The following CA10 variants were observed in gnomAD, a reference collection of about 807,000 sequenced individuals.
The protein encoded by CA10 is carbonic anhydrase-related protein 10.
In CA10, 14 loss-of-function variants were observed where a neutral mutation model predicts 44.2. The observed-to-expected ratio is 0.32, with a 90% CI of 0.21 to 0.50. The LOEUF (loss-of-function observed/expected upper bound fraction) is 0.50. CA10 is among the 20% of genes least tolerant of loss of function. CA10 has a pLI of 0.99. For missense variants in CA10, 350 were observed against 409.7 expected (o/e 0.85, Z 1.26); for synonymous variants, 159 against 141.6 (o/e 1.12, Z -0.87).
At position 51,654,905 on chromosome 17, in the gene CA10, G is replaced by GCC. The variant is rs5820870; in HGVS notation, c.466-1171_466-1170dup. Among the ~76,000 whole-genome samples, 895 of 151,320 alleles carry GCC rather than the reference G, an allele frequency of 5.9e-3. 9 individuals are homozygous for GCC. The highest frequency in any genetic ancestry group is 0.02 in the African/African-American group (834 of 41,142). On this transcript the variant is annotated intron_variant, in intron 4 of 8. Transcript: ENST00000451037. ...AAAATATAGAAGTAAAAAACGTGAT[G>GCC]CCCCCCCCACCACCTCTTTCTAATT... is the stretch of plus-strand genomic sequence containing the variant.
At chr17:51,889,660 A>C (rs1441985044) in intron 3 of CA10, among the ~76,000 whole-genome samples, 2 of 152,224 alleles carry the variant, frequency 1.3e-5, no homozygotes, top group African/African-American at 4.8e-5. Context: ...TTTGGAGACT[A>C]GCTGCTAGGC....
intron 3 of CA10, among the ~76,000 whole-genome samples, chr17:51,881,709 G>C (rs1163487432): frequency 6.6e-6 from 1 of 152,190 alleles, no homozygotes; most frequent in Non-Finnish European, 1.5e-5. Context: ...AGTCAATAAT[G>C]AGAGGGCATT....
At chr17:51,811,190 GAAAA>G (rs35275627) in intron 3 of CA10, among the ~76,000 whole-genome samples, 2 of 125,216 alleles carry the variant, frequency 1.6e-5, no homozygotes, top group Admixed American at 8.0e-5. Flanking sequence ...ACTCCATCTC[GAAAA>G]AAAAAAAAAA....
rs920394908 is a variant in CA10, at chr17:52,157,913, G to C, written c.-127C>G. 11 of 772,448 alleles carry C rather than the reference G, an allele frequency of 1.4e-5. No individual in the cohort carries two copies. In the Admixed American group the frequency reaches 1.5e-4, roughly 10 times the overall value. The allele number at this position is 772,448 out of a possible 1,614,324, so 47.8% of individuals were successfully genotyped here. ...CGAGTGCACACTCGCACTCCCACCC[G>C]ACAGCCGGCCAGGGACAGTCACCCC... On this transcript the variant is annotated 5_prime_UTR_variant, in exon 1 of 9. Coordinates refer to ENST00000451037, the MANE Select transcript of CA10 (RefSeq NM_020178.5).
chr17:51,747,595 T>C (rs1216503026), intron 4 of CA10, 38 bp downstream of exon 4: 9 of 1,527,602 alleles, frequency 5.9e-6, no homozygotes, highest in South Asian at 1.3e-5. Context: ...ATCTTATAAG[T>C]TGACATTTAA....
intron 1 of CA10, among the ~76,000 whole-genome samples, chr17:52,142,494 A>G (rs1358743865): frequency 6.6e-6 from 1 of 152,204 alleles, no homozygotes; most frequent in African/African-American, 2.4e-5. Flanking sequence ...CTTATAAAAA[A>G]TCACTGATGG....
intron 4 of CA10, among the ~76,000 whole-genome samples, chr17:51,688,774 A>T (rs1915091157): frequency 6.6e-6 from 1 of 152,140 alleles, no homozygotes; most frequent in Non-Finnish European, 1.5e-5. Flanking sequence ...AGAAGAGCTG[A>T]TCCTTTCCTC....
At chr17:52,118,670 T>C (rs886611001) in intron 1 of CA10, among the ~76,000 whole-genome samples, 2 of 152,166 alleles carry the variant, frequency 1.3e-5, no homozygotes, top group Non-Finnish European at 1.5e-5. Context: ...TAATATATAT[T>C]CCAAAATTGT....
At chr17:52,044,504 A>G (rs1986855248) in intron 2 of CA10, among the ~76,000 whole-genome samples, 2 of 151,800 alleles carry the variant, frequency 1.3e-5, no homozygotes, top group Admixed American at 1.3e-4. Context: ...GGGTTTTGTC[A>G]TGTTGCCCAG....
At chr17:51,963,360 GA>G (rs1567902173) in intron 2 of CA10, among the ~76,000 whole-genome samples, 1 of 152,116 alleles carries the variant, frequency 6.6e-6, no homozygotes, top group Non-Finnish European at 1.5e-5. Context: ...GCTAATTCAA[GA>G]AAACGTCCCT....
intron 3 of CA10, among the ~76,000 whole-genome samples, chr17:51,896,734 T>TC (rs1981083714): frequency 6.6e-6 from 1 of 152,090 alleles, no homozygotes; most frequent in African/African-American, 2.4e-5. Context: ...CTCTGTAACC[T>TC]CCCCAGCATC....
intron 3 of CA10, among the ~76,000 whole-genome samples, chr17:51,750,038 G>C (rs1904838166): frequency 1.3e-5 from 2 of 152,184 alleles, no homozygotes; most frequent in Non-Finnish European, 2.9e-5. Flanking sequence ...TAGTTAGTGT[G>C]AGATAATCAG....
intron 2 of CA10, among the ~76,000 whole-genome samples, chr17:52,063,188 T>C (rs181732529): frequency 1.5e-4 from 23 of 152,358 alleles, no homozygotes; most frequent in Admixed American, 5.2e-4. Context: ...AACGAGAATG[T>C]TTACCTAATG....
At chr17:51,757,721 A>G (rs181111340) in intron 3 of CA10, among the ~76,000 whole-genome samples, 5 of 152,370 alleles carry the variant, frequency 3.3e-5, no homozygotes, top group African/African-American at 1.2e-4. Flanking sequence ...CATGACATGT[A>G]TCTAGATACT....
intron 4 of CA10, among the ~76,000 whole-genome samples, chr17:51,704,968 AAAAAAAAAAAAG>A (rs1409823463): frequency 5.5e-4 from 83 of 151,236 alleles, no homozygotes; most frequent in African/African-American, 1.9e-3. Flanking sequence ...CTCTGTCTAA[AAAAAAAAAAAAG>A]AAAAAGAAAA....
intron 3 of CA10, among the ~76,000 whole-genome samples, chr17:51,828,268 C>G (rs1215941317): frequency 1.3e-5 from 2 of 152,174 alleles, no homozygotes; most frequent in African/African-American, 2.4e-5. Context: ...TTGGCCTCTT[C>G]AAACTCAGAA....
intron 1 of CA10, among the ~76,000 whole-genome samples, chr17:52,097,698 C>G (rs1391634851): frequency 6.6e-6 from 1 of 152,130 alleles, no homozygotes; most frequent in East Asian, 1.9e-4. Flanking sequence ...AAATTAAGCA[C>G]TCACCAAAGT....
intron 2 of CA10, among the ~76,000 whole-genome samples, chr17:51,935,495 A>G (rs1982830246): frequency 6.6e-6 from 1 of 152,214 alleles, no homozygotes; most frequent in Non-Finnish European, 1.5e-5. Context: ...TAATTTACAT[A>G]TAAACTAGAA....
chr17:51,888,593 T>A (rs1049371648), intron 3 of CA10, among the ~76,000 whole-genome samples: 2 of 152,220 alleles, frequency 1.3e-5, no homozygotes, highest in East Asian at 3.9e-4. Context: ...CTATCCCTTG[T>A]GTCTCTTGCT....
Sources: allele counts gnomAD v4.1 joint callset (sites outside exome capture counted in the v4.1 genomes callset), GRCh38; gene constraint gnomAD v4.1.1; transcripts MANE v1.5; gene names NCBI Gene and HGNC (gene_info 2026-07-23, HGNC 2026-07-21).